The following TRHR variants were observed in gnomAD, a reference collection of about 807,000 sequenced individuals.
TRHR encodes thyrotropin-releasing hormone receptor.
In TRHR, 14 loss-of-function variants were observed where a neutral mutation model predicts 28.0. The observed-to-expected ratio is 0.50, with a 90% CI of 0.33 to 0.78. The LOEUF is 0.78. Ranked by LOEUF, TRHR falls within the 30% of genes least tolerant of loss-of-function variation. TRHR has a pLI of 0.02. For synonymous variants in TRHR, 176 were observed against 171.9 expected, an observed-to-expected ratio of 1.02 and a Z score of -0.18; for missense variants, 438 against 469.5, an observed-to-expected ratio of 0.93 and a Z score of 0.62.
intron 2 of TRHR, among the ~76,000 whole-genome samples, chr8:109,113,978 C>T (rs1164091494): frequency 6.6e-6 from 1 of 152,056 alleles, no homozygotes; most frequent in East Asian, 1.9e-4. Context: ...AATAAGAAAT[C>T]TGTCCAATTC....
In TRHR at chr8:109,087,688, C is replaced by T. The variant is rs1251191622; in HGVS notation, c.176C>T (p.Pro59Leu). 1 of 1,614,010 alleles carries T rather than the reference C, an allele frequency of 6.2e-7. No homozygotes were observed. The highest frequency in any genetic ancestry group is 1.7e-5 in the Admixed American group (1 of 60,004). Residue 59 changes from proline to leucine, a missense_variant, in exon 2 of 3, where the codon CCC (proline) becomes CTC (leucine). Coordinates refer to ENST00000518632, the MANE Select transcript of TRHR (RefSeq NM_003301.7). ...VVMRTKHMRT[P>L]TNCYLVSLAV... ...ATGAGAACCAAGCACATGAGGACCCCCACAAACTGCTACCTGGTGAGCCTG... is the reference window on the plus strand; with the variant it reads ...ATGAGAACCAAGCACATGAGGACCCTCACAAACTGCTACCTGGTGAGCCTG...
intron 2 of TRHR, among the ~76,000 whole-genome samples, chr8:109,110,031 A>G (rs1447532593): frequency 1.3e-5 from 2 of 152,134 alleles, no homozygotes; most frequent in African/African-American, 4.8e-5. Flanking sequence ...CTGTGCTATG[A>G]TATCCGCCTA....
chr8:109,113,042 T>C (rs1378059897), intron 2 of TRHR, among the ~76,000 whole-genome samples: 2 of 152,130 alleles, frequency 1.3e-5, no homozygotes, highest in Non-Finnish European at 1.5e-5. Context: ...TGTCATTTTC[T>C]CATGCATTTT....
intron 2 of TRHR, among the ~76,000 whole-genome samples, chr8:109,088,835 A>G (rs1811481486): frequency 6.6e-6 from 1 of 152,176 alleles, no homozygotes; most frequent in South Asian, 2.1e-4. Context: ...TTAGTGGGGA[A>G]AGATTCTATC....
At chr8:109,103,591 C>T (rs749433846) in intron 2 of TRHR, among the ~76,000 whole-genome samples, 7 of 152,148 alleles carry the variant, frequency 4.6e-5, no homozygotes, top group Non-Finnish European at 7.3e-5. Flanking sequence ...CAATCTACCA[C>T]TCTTCACACT....
At chr8:109,099,833 T>C (rs967174733) in intron 2 of TRHR, among the ~76,000 whole-genome samples, 2 of 152,186 alleles carry the variant, frequency 1.3e-5, no homozygotes, top group Non-Finnish European at 2.9e-5. Context: ...AGAAAGTAAA[T>C]CATCCTATGC....
rs1811969603 is a variant in TRHR at position 109,119,340 on chromosome 8, A to G, written c.1082A>G (p.Asp361Gly). The change falls in exon 3 of 3, where the codon GAC becomes GGC. Residue 361 changes from aspartate (D) to glycine (G), a missense_variant. Asp to Gly is a moderately conservative substitution (Grantham distance 94, BLOSUM62 -1). Coordinates refer to ENST00000518632, the MANE Select transcript of TRHR (RefSeq NM_003301.7). ...ALNYSVIKES[D>G]HFSTELDDIT... ...AATTACAGCGTCATCAAGGAGTCAG[A>G]CCATTTCAGCACAGAGCTTGATGAT... The G allele has an allele frequency of 2.5e-6, 4 of 1,612,414 alleles. No homozygotes were observed. Among genetic ancestry groups the G allele is most frequent in the Non-Finnish European group, 3.4e-6 (4 of 1,179,026 alleles).
At chr8:109,094,078 T>G (rs1811552883) in intron 2 of TRHR, among the ~76,000 whole-genome samples, 1 of 152,142 alleles carries the variant, frequency 6.6e-6, no homozygotes, top group Non-Finnish European at 1.5e-5. Context: ...CAGCTCCACC[T>G]ACATCTAAGA....
chr8:109,118,642 G>T (rs1174270701), intron 2 of TRHR, among the ~76,000 whole-genome samples: 1 of 151,976 alleles, frequency 6.6e-6, no homozygotes, highest in African/African-American at 2.4e-5. Context: ...TTGGCCTCAA[G>T]TGTCTCTCTA....
chr8:109,099,265 C>T (rs192127836), intron 2 of TRHR, among the ~76,000 whole-genome samples: 76 of 152,062 alleles, frequency 5.0e-4, no homozygotes, highest in African/African-American at 1.8e-3. Context: ...GGTGTGGTGG[C>T]GGTTGAATTT....
intron 2 of TRHR, among the ~76,000 whole-genome samples, chr8:109,107,435 T>C (rs1811767502): frequency 6.6e-6 from 1 of 152,188 alleles, no homozygotes. Flanking sequence ...ATACAGATAG[T>C]AAGTGGCAGA....
chr8:109,087,555 C>T lies in TRHR; in HGVS notation c.43C>T (p.Gln15Ter), dbSNP rs1811452777. 2 of 1,614,250 alleles carry T rather than the reference C, an allele frequency of 1.2e-6. No individual in the cohort carries two copies. Among genetic ancestry groups the T allele is most frequent in the East Asian group, 4.5e-5 (2 of 44,888 alleles). ...TVSELNQTQL[Q>*]PRAVVALEYQ... ...CAGTGAACTGAACCAAACACAGCTT[C>T]AGCCACGAGCAGTGGTGGCCTTAGA... Residue 15 changes from glutamine (Q) to a stop codon, truncating the protein, a stop_gained, in exon 2 of 3, where the codon CAG becomes TAG. Transcript: ENST00000518632. LOFTEE classifies it high-confidence loss of function.
At position 109,119,887 on chromosome 8, in the gene TRHR, T is replaced by C. The variant is rs570403330; in HGVS notation, c.*432T>C. On this transcript the variant is annotated 3_prime_UTR_variant, in exon 3 of 3. Coordinates refer to ENST00000518632, the MANE Select transcript of TRHR (RefSeq NM_003301.7). ...GATTTTTAAATGTTTGCATTTAGTA[T>C]TCATTTTAACATAGTACAGGGCTAG... Among the ~76,000 whole-genome samples, 5 of 152,046 alleles carry C rather than the reference T, an allele frequency of 3.3e-5. No individual in the cohort carries two copies. The East Asian group carries it at 9.7e-4, about 29-fold the overall frequency.
Position 109,090,016 on chromosome 8 carries a change from C to T in TRHR, c.789+1715C>T, listed in dbSNP as rs186308280. Among the ~76,000 whole-genome samples, 3 of 152,218 alleles carry T rather than the reference C, an allele frequency of 2.0e-5. No homozygotes were observed. In the East Asian group the frequency reaches 5.8e-4, roughly 29 times the overall value. On this transcript the variant is annotated intron_variant, in intron 2 of 2. Coordinates refer to ENST00000518632, the MANE Select transcript of TRHR (RefSeq NM_003301.7). ...CACAGTCTTATTTCAAAGCTGTTAC[C>T]GATAAGCTGTCCTTACAGAGGCTGT...
intron 2 of TRHR, among the ~76,000 whole-genome samples, chr8:109,103,489 CTTG>C (rs796651821): frequency 6.2e-4 from 95 of 152,262 alleles, no homozygotes; most frequent in African/African-American, 2.1e-3. Flanking sequence ...GTGCTTGACT[CTTG>C]TTGTTCATGT....
In TRHR at chr8:109,089,578, T is replaced by C. The variant is rs59826978; in HGVS notation, c.789+1277T>C. 3.6e-3 allele frequency among the ~76,000 whole-genome samples: 555 copies of C among 152,286 alleles called. 1 individual carries two copies. Among genetic ancestry groups the C allele is most frequent in the African/African-American group, 0.013 (528 of 41,580 alleles). On this transcript the variant is annotated intron_variant, in intron 2 of 2. Transcript: ENST00000518632. ...TAATACTTGGTTTATATAATACTTA[T>C]TATTAAAGATAACTAGATGACAGAA...
chr8:109,115,923 G>A lies in TRHR; in HGVS notation c.790-3125G>A, dbSNP rs546559697. Among the ~76,000 whole-genome samples the A allele has an allele frequency of 2.6e-5, 4 of 152,224 alleles. No homozygotes were observed. In the East Asian group the frequency reaches 5.8e-4, roughly 22 times the overall value. ...AATGCTTCCAGTTTTTGCCCATTCAGTATGATATTGGCTGTGGGTTTGTCA... is the reference window on the plus strand; with the variant it reads ...AATGCTTCCAGTTTTTGCCCATTCAATATGATATTGGCTGTGGGTTTGTCA... On this transcript the variant is annotated intron_variant, in intron 2 of 2. Transcript: ENST00000518632.
At chr8:109,086,994 A>G (rs1301696999) in intron 1 of TRHR, 111 bp downstream of exon 1, 1 of 164,296 alleles carries the variant, frequency 6.1e-6, no homozygotes, top group East Asian at 1.7e-4. Flanking sequence ...CTGAGAGCAA[A>G]AGAGGCAACA....
intron 2 of TRHR, among the ~76,000 whole-genome samples, chr8:109,110,580 C>A: frequency 6.6e-6 from 1 of 152,136 alleles, no homozygotes; most frequent in Non-Finnish European, 1.5e-5. Context: ...CTGAATGAAA[C>A]ATTTAGGTTC....
Sources: gnomAD v4.1 joint callset for allele counts (sites outside exome capture counted in the v4.1 genomes callset) on GRCh38, gnomAD v4.1.1 for gene constraint, MANE v1.5 for transcripts, NCBI Gene and HGNC (gene_info 2026-07-23, HGNC 2026-07-21) for gene names.